Variants in MICU3 observed in about 807,000 individuals in gnomAD.
MICU3 encodes mitochondrial calcium uptake 3.
A neutral mutation model predicts 66.5 loss-of-function variants in MICU3; 62 were observed. The observed-to-expected ratio is 0.93, with a 90% CI of 0.76 to 1.15. The LOEUF (loss-of-function observed/expected upper bound fraction) is 1.15, where lower values mean the gene tolerates loss of function less well. Ranked by LOEUF, MICU3 falls within the 50% of genes most tolerant of loss-of-function variation. The pLI is 0.00. For synonymous variants in MICU3, 308 were observed against 240.7 expected (o/e 1.28, Z -2.59); for missense variants, 779 against 664.4 (o/e 1.17, Z -1.90).
the MICU3 span, among the ~76,000 whole-genome samples, chr8:17,134,842 T>G: frequency 6.6e-6 from 1 of 152,198 alleles, no homozygotes; most frequent in Non-Finnish European, 1.5e-5. Context: ...ATTTAAATGT[T>G]AAACTCCTCC....
chr8:17,067,710 A>G (rs1008973632), intron 2 of MICU3, among the ~76,000 whole-genome samples: 3 of 152,114 alleles, frequency 2.0e-5, no homozygotes, highest in African/African-American at 4.8e-5. Flanking sequence ...AAGGGGTGCA[A>G]TTACAGGCGT....
intron 1 of MICU3, among the ~76,000 whole-genome samples, chr8:17,060,954 G>A (rs190725055): frequency 6.6e-6 from 1 of 152,002 alleles, no homozygotes; most frequent in Non-Finnish European, 1.5e-5. Context: ...GAGTGGATTC[G>A]TAAAGTGGAG....
intron 1 of MICU3, among the ~76,000 whole-genome samples, chr8:17,062,102 T>A (rs768339762): frequency 1.8e-4 from 27 of 152,192 alleles, no homozygotes; most frequent in Non-Finnish European, 2.8e-4. Flanking sequence ...TCAGAAATCA[T>A]TAGCTCACCA....
intron 11 of MICU3, among the ~76,000 whole-genome samples, chr8:17,112,292 T>C (rs541686278): frequency 1.3e-5 from 2 of 152,322 alleles, no homozygotes; most frequent in South Asian, 4.1e-4. Flanking sequence ...TCAGTTATCA[T>C]TGTTTTATTT....
intron 2 of MICU3, among the ~76,000 whole-genome samples, chr8:17,066,789 C>T (rs1818787487): frequency 6.6e-6 from 1 of 151,854 alleles, no homozygotes; most frequent in South Asian, 2.1e-4. Flanking sequence ...TCGAGCAGTC[C>T]ACCTGCCTCA....
At chr8:17,109,267 G>T (rs951232776) in intron 11 of MICU3, among the ~76,000 whole-genome samples, 3 of 151,832 alleles carry the variant, frequency 2.0e-5, no homozygotes, top group Non-Finnish European at 4.4e-5. Flanking sequence ...TTGAACTCTT[G>T]TTAATTGATG....
chr8:17,030,561 A>G (rs1483872486), intron 1 of MICU3, among the ~76,000 whole-genome samples: 4 of 152,204 alleles, frequency 2.6e-5, no homozygotes. Context: ...TAACATCCAA[A>G]TGTCAGTATT....
At chr8:17,030,548 G>C (rs1049799629) in intron 1 of MICU3, among the ~76,000 whole-genome samples, 8 of 152,164 alleles carry the variant, frequency 5.3e-5, no homozygotes, top group African/African-American at 1.9e-4. Context: ...CTTCTTATTA[G>C]TGTAACATCC....
intron 1 of MICU3, among the ~76,000 whole-genome samples, chr8:17,040,845 G>C (rs1050995028): frequency 5.9e-5 from 9 of 152,140 alleles, no homozygotes; most frequent in African/African-American, 2.2e-4. Flanking sequence ...GAAAATTCTA[G>C]GGTTTTAGGG....
chr8:17,032,363 A>G (rs1260467390), intron 1 of MICU3, among the ~76,000 whole-genome samples: 1 of 152,192 alleles, frequency 6.6e-6, no homozygotes, highest in Admixed American at 6.5e-5. Context: ...ATTTTGTTCT[A>G]GAACTGCCTT....
the MICU3 span, among the ~76,000 whole-genome samples, chr8:17,136,079 GA>G: frequency 6.6e-6 from 1 of 151,890 alleles, no homozygotes; most frequent in African/African-American, 2.4e-5. Flanking sequence ...TAAATTCATG[GA>G]AAATACCTAG....
Position 17,086,948 on chromosome 8 carries a change from T to C in MICU3, c.778-16T>C, listed in dbSNP as rs1799537157. On this transcript the variant is annotated splice_polypyrimidine_tract_variant and intron_variant, in intron 6 of 14. Transcript: ENST00000318063. ...CTCTTGTTGGATATTTGATTCTTGA[T>C]TGATTTCTTTGTCAGCTTCAAGAGA... is the stretch of plus-strand genomic sequence containing the variant. The C allele has an allele frequency of 1.9e-6, 3 of 1,542,310 alleles. No homozygotes were observed. The highest frequency in any genetic ancestry group is 2.7e-6 in the Non-Finnish European group (3 of 1,116,936).
intron 12 of MICU3, 25 bp downstream of exon 12, chr8:17,114,226 A>G: frequency 6.9e-7 from 1 of 1,440,066 alleles, no homozygotes; most frequent in African/African-American, 1.4e-5. Flanking sequence ...ACAAAAATTA[A>G]AAGCAAGAAG....
chr8:17,035,324 A>G (rs1031447640), intron 1 of MICU3, among the ~76,000 whole-genome samples: 18 of 152,238 alleles, frequency 1.2e-4, no homozygotes, highest in African/African-American at 4.3e-4. Flanking sequence ...AAAATGTGGA[A>G]GTGACTTTGG....
chr8:17,114,727 G>T (rs557252154), intron 12 of MICU3, among the ~76,000 whole-genome samples: 1 of 152,186 alleles, frequency 6.6e-6, no homozygotes, highest in Non-Finnish European at 1.5e-5. Context: ...TCTCCTCATG[G>T]CCATGTCCTT....
chr8:17,036,286 C>T (rs552156354), intron 1 of MICU3, among the ~76,000 whole-genome samples: 70 of 152,190 alleles, frequency 4.6e-4, no homozygotes, highest in Non-Finnish European at 6.6e-4. Flanking sequence ...TGCAGATCTT[C>T]GCTGTGAGTG....
Position 17,084,196 on chromosome 8 carries a change from T to C in MICU3, c.695-1040T>C, listed in dbSNP as rs147253531. Reference sequence around the variant, plus strand: ...CCCTCTTTACTTTGTACTGTATTTTTCCCTCCAAACAATGCTTGTAAGGAG... The same window carrying C: ...CCCTCTTTACTTTGTACTGTATTTTCCCCTCCAAACAATGCTTGTAAGGAG... On this transcript the variant is annotated intron_variant, in intron 5 of 14. Coordinates refer to ENST00000318063, the MANE Select transcript of MICU3 (RefSeq NM_181723.3). Among the ~76,000 whole-genome samples the C allele has an allele frequency of 1.7e-3, 259 of 152,226 alleles. 2 individuals are homozygous for C. The highest frequency in any genetic ancestry group is 5.0e-3 in the African/African-American group (206 of 41,572).
rs192312574 is a variant in MICU3, at chr8:17,092,392, G to C, written c.888+1808G>C. 4.2e-4 allele frequency among the ~76,000 whole-genome samples: 64 copies of C among 151,892 alleles called. No individual in the cohort carries two copies. The East Asian group carries it at 5.1e-3, about 12-fold the overall frequency. On this transcript the variant is annotated intron_variant, in intron 8 of 14. Coordinates refer to ENST00000318063, the MANE Select transcript of MICU3 (RefSeq NM_181723.3). Reference sequence around the variant, plus strand: ...TACATATGCAAATTGCAGTCACTGAGACATTAAGACAATATTGAGAAGCAG... The same window carrying C: ...TACATATGCAAATTGCAGTCACTGACACATTAAGACAATATTGAGAAGCAG...
At chr8:17,069,302 A>G (rs1563326121) in intron 2 of MICU3, among the ~76,000 whole-genome samples, 1 of 152,128 alleles carries the variant, frequency 6.6e-6, no homozygotes, top group Non-Finnish European at 1.5e-5. Context: ...TTAAAATTAT[A>G]GTTTATCTAT....
Sources: gnomAD v4.1 joint callset for allele counts (sites outside exome capture counted in the v4.1 genomes callset) on GRCh38, gnomAD v4.1.1 for gene constraint, MANE v1.5 for transcripts, NCBI Gene and HGNC (gene_info 2026-07-23, HGNC 2026-07-21) for gene names.